The following GRIP1 variants were observed in gnomAD, a reference collection of about 807,000 sequenced individuals.
GRIP1 encodes glutamate receptor-interacting protein 1.
A neutral mutation model predicts 129.9 loss-of-function variants in GRIP1; 45 were observed. That is an observed-to-expected ratio of 0.35 (90% CI 0.27 to 0.44). The LOEUF is 0.44. Ranked by LOEUF, GRIP1 falls within the 20% of genes least tolerant of loss-of-function variation. The pLI is 1.00. For synonymous variants in GRIP1, 530 were observed against 520.8 expected (o/e 1.02, Z -0.24); for missense variants, 1,196 against 1,396.8 (o/e 0.86, Z 2.29).
At chr12:66,701,949 A>AT (rs1014687857) in intron 1 of GRIP1, among the ~76,000 whole-genome samples, 9 of 152,150 alleles carry the variant, frequency 5.9e-5, no homozygotes, top group African/African-American at 1.2e-4. Context: ...TGAAAGAGTG[A>AT]TTTTTTAATG....
chr12:66,834,657 T>C (rs961928226), intron 1 of GRIP1, among the ~76,000 whole-genome samples: 11 of 152,184 alleles, frequency 7.2e-5, no homozygotes, highest in African/African-American at 2.4e-4. Context: ...ATGACTTACA[T>C]AATTGTAGAA....
At chr12:66,401,745 T>C (rs2057010618) in intron 16 of GRIP1, among the ~76,000 whole-genome samples, 1 of 151,788 alleles carries the variant, frequency 6.6e-6, no homozygotes, top group Non-Finnish European at 1.5e-5. Context: ...CTCAGAGAAG[T>C]TAATTTGCCT....
chr12:66,396,401 G>C (rs1023700582), intron 16 of GRIP1, among the ~76,000 whole-genome samples: 19 of 152,072 alleles, frequency 1.2e-4, no homozygotes, highest in Admixed American at 7.9e-4. Context: ...GGAGTTGGGG[G>C]TAGTCCCATT....
At chr12:66,646,949 T>A (rs539482151) in intron 1 of GRIP1, among the ~76,000 whole-genome samples, 33 of 152,340 alleles carry the variant, frequency 2.2e-4, no homozygotes, top group Non-Finnish European at 4.4e-4. Flanking sequence ...TCACTTACTC[T>A]TTGCAAAATT....
chr12:66,700,667 C>T (rs1037562413), intron 1 of GRIP1, among the ~76,000 whole-genome samples: 6 of 151,990 alleles, frequency 3.9e-5, no homozygotes, highest in African/African-American at 1.4e-4. Context: ...CTGGTGGCTG[C>T]TAAGGATAGG....
At chr12:66,517,863 T>C (rs758210637) in intron 6 of GRIP1, 38 bp downstream of exon 6, 22 of 1,059,826 alleles carry the variant, frequency 2.1e-5, no homozygotes, top group Non-Finnish European at 3.1e-5. Flanking sequence ...GCTTTATTTA[T>C]TCTATTTTGG....
At chr12:66,563,814 TA>T (rs1177086066) in intron 2 of GRIP1, 5 of 151,936 alleles carry the variant, frequency 3.3e-5, no homozygotes, top group East Asian at 1.9e-4. Context: ...TTGTAAAAAA[TA>T]AAAAAACAAG....
intron 1 of GRIP1, among the ~76,000 whole-genome samples, chr12:66,698,306 GAA>G (rs1241726437): frequency 6.6e-6 from 1 of 152,196 alleles, no homozygotes; most frequent in Non-Finnish European, 1.5e-5. Context: ...AATTTAGAAA[GAA>G]AGTGTTTTTT....
At chr12:67,038,518 T>C (rs2043131408) in intron 1 of GRIP1, among the ~76,000 whole-genome samples, 1 of 152,158 alleles carries the variant, frequency 6.6e-6, no homozygotes, top group African/African-American at 2.4e-5. Flanking sequence ...ATTGAAATGT[T>C]TGGGTTTGTT....
chr12:66,665,872 T>A (rs1430432881), intron 1 of GRIP1, among the ~76,000 whole-genome samples: 1 of 152,200 alleles, frequency 6.6e-6, no homozygotes, highest in East Asian at 1.9e-4. Flanking sequence ...TAGTATCAAA[T>A]TATACTTCTA....
chr12:66,355,897 T>A (rs574340226), intron 23 of GRIP1, among the ~76,000 whole-genome samples: 16 of 152,274 alleles, frequency 1.1e-4, no homozygotes, highest in Admixed American at 1.0e-3. Flanking sequence ...CCTTTATGAA[T>A]CATTGCAGAG....
chr12:66,859,247 T>A (rs2040059194), intron 1 of GRIP1, among the ~76,000 whole-genome samples: 1 of 95,520 alleles, frequency 1.0e-5, no homozygotes, highest in Non-Finnish European at 2.2e-5. Flanking sequence ...TAGCATATTC[T>A]CCACATTTTC....
At chr12:66,577,600 T>C (rs7306716) in intron 2 of GRIP1, among the ~76,000 whole-genome samples, 37,397 of 152,030 alleles carry the variant, frequency 0.25, 4,734 homozygotes, top group Admixed American at 0.28. Flanking sequence ...CAAACATGGG[T>C]TGCACTCTGC....
At chr12:66,432,456 C>A (rs2058176757) in intron 14 of GRIP1, 92 bp downstream of exon 14, 1 of 759,520 alleles carries the variant, frequency 1.3e-6, no homozygotes, top group South Asian at 1.5e-5. Context: ...TTCGCAAAGA[C>A]ATATAAAACA....
intron 1 of GRIP1, among the ~76,000 whole-genome samples, chr12:66,712,855 T>G (rs2035754427): frequency 6.6e-6 from 1 of 152,068 alleles, no homozygotes; most frequent in South Asian, 2.1e-4. Context: ...CTATGTAGAA[T>G]AATGAGTTTT....
intron 1 of GRIP1, among the ~76,000 whole-genome samples, chr12:66,877,847 G>C (rs1310982794): frequency 2.6e-5 from 4 of 151,966 alleles, no homozygotes; most frequent in African/African-American, 9.7e-5. Flanking sequence ...ATGAGTGAAA[G>C]GAGTCACAAC....
chr12:66,702,452 GT>G (rs966249725), intron 1 of GRIP1, among the ~76,000 whole-genome samples: 2 of 152,070 alleles, frequency 1.3e-5, no homozygotes, highest in African/African-American at 4.8e-5. Flanking sequence ...CAAGGTAATA[GT>G]TTTTTGATTT....
At chr12:66,404,214 T>C (rs909494521) in intron 16 of GRIP1, among the ~76,000 whole-genome samples, 2 of 152,250 alleles carry the variant, frequency 1.3e-5, no homozygotes, top group Non-Finnish European at 2.9e-5. Flanking sequence ...ATAAAATATA[T>C]TTGGATATAA....
chr12:67,060,995 C>A (rs2043524259), intron 1 of GRIP1, among the ~76,000 whole-genome samples: 1 of 152,082 alleles, frequency 6.6e-6, no homozygotes, highest in Non-Finnish European at 1.5e-5. Flanking sequence ...AGTGGCAGAG[C>A]CCACTCAGTA....
Sources: allele counts gnomAD v4.1 joint callset (sites outside exome capture counted in the v4.1 genomes callset), GRCh38; gene constraint gnomAD v4.1.1; transcripts MANE v1.5; gene names NCBI Gene and HGNC (gene_info 2026-07-23, HGNC 2026-07-21).